Variants in GATAD2A observed in about 807,000 individuals in gnomAD.
GATAD2A encodes the protein transcriptional repressor p66-alpha.
Under a neutral mutation model 68.5 loss-of-function variants are expected in GATAD2A, and 12 were observed. That is an observed-to-expected ratio of 0.18 (90% confidence interval 0.11 to 0.28). The LOEUF (loss-of-function observed/expected upper bound fraction) is 0.28, where lower values mean the gene tolerates loss of function less well. Among genes scored for constraint, GATAD2A ranks in the 10% least tolerant of loss-of-function variants. The pLI is 1.00. For synonymous variants in GATAD2A, 410 were observed against 375.3 expected, an observed-to-expected ratio of 1.09 and a Z score of -1.07; for missense variants, 755 against 868.5, an observed-to-expected ratio of 0.87 and a Z score of 1.64.
chr19:19,469,283 T>A (rs2058089111), intron 2 of GATAD2A, among the ~76,000 whole-genome samples: 1 of 151,466 alleles, frequency 6.6e-6, no homozygotes, highest in South Asian at 2.1e-4. Flanking sequence ...TACAAAAAAA[T>A]TAGCCTGGCA....
chr19:19,436,217 C>G, intron 1 of GATAD2A: 1 of 1,359,420 alleles, frequency 7.4e-7, no homozygotes, highest in Non-Finnish European at 9.8e-7. Flanking sequence ...ACCCCGAAGC[C>G]AGGTGAGTGC....
At chr19:19,489,559 A>G (rs2059650099) in intron 2 of GATAD2A, among the ~76,000 whole-genome samples, 1 of 152,262 alleles carries the variant, frequency 6.6e-6, no homozygotes, top group African/African-American at 2.4e-5. Context: ...GTTATTGATT[A>G]GTCGCAGGCC....
At chr19:19,395,650 G>A (rs1568691625) in intron 1 of GATAD2A, among the ~76,000 whole-genome samples, 1 of 152,102 alleles carries the variant, frequency 6.6e-6, no homozygotes, top group Non-Finnish European at 1.5e-5. Context: ...GTTCCCCTCG[G>A]GAGCTTGTCT....
Position 19,398,796 on chromosome 19 carries a change from C to T in GATAD2A, c.-7+12658C>T, listed in dbSNP as rs549579011. ...AAAAATTAGGCCAGGCGTGGTGGCT[C>T]ACGCCTGTAATCCCAGCACTTTGGG... On this transcript the variant is annotated intron_variant, in intron 1 of 11. Coordinates refer to the GATAD2A transcript ENST00000360315. 1.3e-3 allele frequency among the ~76,000 whole-genome samples: 205 copies of T among 152,104 alleles called. 1 individual carries two copies. Among genetic ancestry groups the T allele is most frequent in the Non-Finnish European group, 2.6e-3 (179 of 68,004 alleles).
At chr19:19,492,547 C>T in intron 3 of GATAD2A, 34 bp from the exon 4 acceptor site, 1 of 1,613,074 alleles carries the variant, frequency 6.2e-7, no homozygotes, top group Non-Finnish European at 8.5e-7. Context: ...ACCAAGGACG[C>T]TCCCTCTCAA....
intron 1 of GATAD2A, among the ~76,000 whole-genome samples, chr19:19,416,113 T>C (rs2051605980): frequency 1.3e-5 from 2 of 152,054 alleles, no homozygotes; most frequent in Admixed American, 6.5e-5. Flanking sequence ...TCCCCATCTA[T>C]TATAAGATGT....
rs1268483354 is a variant in GATAD2A, at chr19:19,393,261, C to T, written c.-7+7123C>T. Among the ~76,000 whole-genome samples the T allele has an allele frequency of 2.6e-5, 4 of 151,902 alleles. No homozygotes were observed. In the East Asian group the frequency reaches 5.8e-4, roughly 22 times the overall value. ...GGCAGAGTTTGCAGTGAGCTGAGGTCGGGCCACTGCACTCCAGCCTGAGTG... is the reference window on the plus strand; with the variant it reads ...GGCAGAGTTTGCAGTGAGCTGAGGTTGGGCCACTGCACTCCAGCCTGAGTG... On this transcript the variant is annotated intron_variant, in intron 1 of 11. Transcript: ENST00000360315.
chr19:19,464,251 C>T (rs1475767268), intron 1 of GATAD2A, among the ~76,000 whole-genome samples: 2 of 152,250 alleles, frequency 1.3e-5, no homozygotes, highest in African/African-American at 2.4e-5. Flanking sequence ...CCAACTGTCC[C>T]ATGGAAAACT....
chr19:19,418,800 C>T (rs2051968811), intron 1 of GATAD2A, among the ~76,000 whole-genome samples: 1 of 152,000 alleles, frequency 6.6e-6, no homozygotes, highest in Non-Finnish European at 1.5e-5. Flanking sequence ...GGTGGGTGTC[C>T]CGCTGTGACA....
At chr19:19,455,966 C>T (rs1374809141) in intron 1 of GATAD2A, among the ~76,000 whole-genome samples, 2 of 151,812 alleles carry the variant, frequency 1.3e-5, no homozygotes, top group African/African-American at 2.4e-5. Context: ...CTGGCTAACA[C>T]GATGAAACAC....
chr19:19,463,975 T>C (rs1438914666), intron 1 of GATAD2A, among the ~76,000 whole-genome samples: 1 of 152,342 alleles, frequency 6.6e-6, no homozygotes, highest in East Asian at 1.9e-4. Flanking sequence ...ATTGGCTCCT[T>C]TAAGGAAGCT....
chr19:19,423,776 C>T (rs1219184671), intron 1 of GATAD2A, among the ~76,000 whole-genome samples: 3 of 152,154 alleles, frequency 2.0e-5, no homozygotes, highest in Non-Finnish European at 2.9e-5. Flanking sequence ...TGAGGTCTGC[C>T]AGGCCCTCCC....
intron 2 of GATAD2A, among the ~76,000 whole-genome samples, chr19:19,476,717 C>T (rs2058700281): frequency 1.3e-5 from 2 of 152,162 alleles, no homozygotes; most frequent in African/African-American, 2.4e-5. Context: ...GTGTGCAGAA[C>T]AGGTAGAAAC....
intron 1 of GATAD2A, among the ~76,000 whole-genome samples, chr19:19,436,682 T>A (rs2054392853): frequency 6.6e-6 from 1 of 152,182 alleles, no homozygotes; most frequent in African/African-American, 2.4e-5. Flanking sequence ...CCCCGCTGCG[T>A]GGAGCTCTTA....
At chr19:19,444,214 C>T (rs1047673490) in intron 1 of GATAD2A, among the ~76,000 whole-genome samples, 2 of 152,200 alleles carry the variant, frequency 1.3e-5, no homozygotes, top group Admixed American at 1.3e-4. Context: ...CCATTCTCCC[C>T]TCCCCATTGG....
chr19:19,460,625 A>G (rs1172388724), intron 1 of GATAD2A, among the ~76,000 whole-genome samples: 14 of 152,006 alleles, frequency 9.2e-5, no homozygotes. Context: ...CTGTAGCCCA[A>G]CCTTCCTTCC....
chr19:19,488,710 C>T (rs774930507), intron 2 of GATAD2A, among the ~76,000 whole-genome samples: 2 of 152,144 alleles, frequency 1.3e-5, no homozygotes, highest in Non-Finnish European at 2.9e-5. Flanking sequence ...GGGGGTGGTG[C>T]GTGTCAGCGA....
Position 19,492,132 on chromosome 19 carries a change from G to T in GATAD2A, c.270-174G>T, listed in dbSNP as rs139259553. Among the ~76,000 whole-genome samples the T allele has an allele frequency of 6.6e-3, 1,002 of 152,346 alleles. 52 individuals are homozygous for T. Among genetic ancestry groups the T allele is most frequent in the Admixed American group, 0.059 (904 of 15,306 alleles). ...TGGGATTGGGTGCCCTATGACGTGT[G>T]GGTAAGAAGAAGGAGGCAGCCTGGG... On this transcript the variant is annotated intron_variant, in intron 2 of 11. Transcript: ENST00000683918.
intron 11 of GATAD2A, among the ~76,000 whole-genome samples, chr19:19,504,348 AATGGCT>A (rs2060741541): frequency 6.6e-6 from 1 of 152,244 alleles, no homozygotes; most frequent in Non-Finnish European, 1.5e-5. Flanking sequence ...AGACTGTGGC[AATGGCT>A]TGTATTTTCC....
Sources: gnomAD v4.1 joint callset for allele counts (sites outside exome capture counted in the v4.1 genomes callset) on GRCh38, gnomAD v4.1.1 for gene constraint, MANE v1.5 for transcripts, NCBI Gene and HGNC (gene_info 2026-07-23, HGNC 2026-07-21) for gene names.